Variants in PRKCB observed in about 807,000 individuals in gnomAD.
The protein encoded by PRKCB is protein kinase C beta type.
PRKCB carries 13 observed loss-of-function variants against 81.5 expected under a neutral mutation model. The ratio of observed to expected loss-of-function variants is 0.16; its 90% CI spans 0.10 to 0.25. The LOEUF is 0.25. PRKCB is among the 10% of genes least tolerant of loss of function. The probability of loss-of-function intolerance (pLI) is 1.00; values close to 1 mark genes in which losing one functional copy is unlikely to be tolerated. For missense variants in PRKCB, 509 were observed against 875.7 expected (o/e 0.58, Z 5.29); for synonymous variants, 335 against 321.4 (o/e 1.04, Z -0.45).
chr16:24,137,002 C>T (rs987765355), intron 9 of PRKCB, among the ~76,000 whole-genome samples: 20 of 151,950 alleles, frequency 1.3e-4, no homozygotes, highest in Admixed American at 3.3e-4. Flanking sequence ...CTCAGCTTCC[C>T]GAGTAGCTGG....
rs1018580653 is a variant in PRKCB at position 24,219,574 on chromosome 16, C to T, written c.*4758C>T. ...AATGGTTTTCTCCAGGACGCTCTACCTAATGATTATTTCTATAACATTAAG... is the reference window on the plus strand; with the variant it reads ...AATGGTTTTCTCCAGGACGCTCTACTTAATGATTATTTCTATAACATTAAG... On this transcript the variant is annotated 3_prime_UTR_variant, in exon 17 of 17. Transcript: ENST00000643927. The T allele has an allele frequency of 1.0e-6, 1 of 999,414 alleles. No homozygotes were observed. Among genetic ancestry groups the T allele is most frequent in the Non-Finnish European group, 1.2e-6 (1 of 838,924 alleles). The allele number at this position is 999,414 out of a possible 1,614,324, so 61.9% of individuals were successfully genotyped here. A position where few individuals can be genotyped will look rare whatever the true frequency, so the allele number is the denominator to read the frequency against.
chr16:24,135,965 A>C (rs1159870091), intron 9 of PRKCB, among the ~76,000 whole-genome samples: 1 of 152,046 alleles, frequency 6.6e-6, no homozygotes, highest in Non-Finnish European at 1.5e-5. Flanking sequence ...CTTCCAGAGA[A>C]CCTTTTTGAC....
chr16:24,094,423 A>G (rs1966414017), intron 7 of PRKCB, 126 bp downstream of exon 7: 3 of 1,276,570 alleles, frequency 2.4e-6, no homozygotes, highest in Non-Finnish European at 3.3e-6. Flanking sequence ...AGTCTGGTTG[A>G]TTGGATCTGC....
intron 2 of PRKCB, among the ~76,000 whole-genome samples, chr16:23,915,628 G>A (rs1041878597): frequency 7.1e-6 from 1 of 140,466 alleles, no homozygotes; most frequent in Non-Finnish European, 1.5e-5. Flanking sequence ...GGAGGTGGAG[G>A]CTGCAGTGAG....
At position 23,943,676 on chromosome 16, in the gene PRKCB, A is replaced by G. The variant is rs560376346; in HGVS notation, c.206-44832A>G. Among the ~76,000 whole-genome samples, 95 of 152,356 alleles carry G rather than the reference A, an allele frequency of 6.2e-4. 2 individuals are homozygous for G. The South Asian group carries it at 0.019, about 30-fold the overall frequency. On this transcript the variant is annotated intron_variant, in intron 2 of 16. Coordinates refer to ENST00000643927, the MANE Select transcript of PRKCB (RefSeq NM_002738.7). ...TAAAGGCAATGCATTTTACGTAGGA[A>G]AAATGGTTGAGTCGAATGATTTAAT...
chr16:23,972,741 G>T (rs948055501), intron 2 of PRKCB, among the ~76,000 whole-genome samples: 2 of 152,184 alleles, frequency 1.3e-5, no homozygotes, highest in African/African-American at 4.8e-5. Context: ...AAAAGTGAGG[G>T]AGAGTGTGGT....
chr16:23,844,232 C>A (rs1045021589), intron 2 of PRKCB, among the ~76,000 whole-genome samples: 1 of 152,182 alleles, frequency 6.6e-6, no homozygotes, highest in African/African-American at 2.4e-5. Flanking sequence ...TCTTTGACTT[C>A]ATTCATCCAA....
chr16:24,101,171 G>T (rs769177880), intron 7 of PRKCB, among the ~76,000 whole-genome samples: 29 of 152,188 alleles, frequency 1.9e-4, no homozygotes, highest in Non-Finnish European at 4.0e-4. Context: ...TGGCTAATAT[G>T]TTAGTTTTAC....
intron 2 of PRKCB, among the ~76,000 whole-genome samples, chr16:23,885,394 C>T (rs749812781): frequency 2.6e-5 from 4 of 152,038 alleles, no homozygotes; most frequent in Admixed American, 6.6e-5. Flanking sequence ...CTGCAGTCTC[C>T]GCCTCCCTAG....
intron 5 of PRKCB, among the ~76,000 whole-genome samples, chr16:24,067,835 C>T (rs1429556079): frequency 6.6e-6 from 1 of 151,624 alleles, no homozygotes; most frequent in Non-Finnish European, 1.5e-5. Flanking sequence ...GGCATGGTGG[C>T]ACATGCCTGT....
chr16:23,888,947 G>C (rs904496196), intron 2 of PRKCB, among the ~76,000 whole-genome samples: 1 of 152,162 alleles, frequency 6.6e-6, no homozygotes, highest in Non-Finnish European at 1.5e-5. Context: ...GGCTAAGATG[G>C]GGGGAGTATG....
intron 2 of PRKCB, among the ~76,000 whole-genome samples, chr16:23,925,598 C>T (rs993956505): frequency 3.9e-5 from 6 of 152,046 alleles, no homozygotes; most frequent in Admixed American, 2.6e-4. Context: ...TGTCTCTCTT[C>T]CAAACATGAG....
intron 2 of PRKCB, among the ~76,000 whole-genome samples, chr16:23,939,241 T>G (rs952550253): frequency 1.2e-4 from 18 of 152,150 alleles, no homozygotes; most frequent in African/African-American, 4.3e-4. Flanking sequence ...AAAGAATATC[T>G]ACATAAATGA....
chr16:24,047,322 A>T (rs1296518631), intron 5 of PRKCB, among the ~76,000 whole-genome samples: 3 of 152,230 alleles, frequency 2.0e-5, no homozygotes, highest in East Asian at 1.9e-4. Flanking sequence ...AGCCTGGGTG[A>T]CAGAGTGAGA....
At chr16:23,842,928 C>G (rs1192567233) in intron 2 of PRKCB, among the ~76,000 whole-genome samples, 1 of 151,864 alleles carries the variant, frequency 6.6e-6, no homozygotes, top group African/African-American at 2.4e-5. Context: ...ATGAGTAAGT[C>G]AGCTCTTCTT....
chr16:24,198,875 G>A lies in PRKCB; in HGVS notation c.1863+7645G>A, dbSNP rs116924329. On this transcript the variant is annotated intron_variant, in intron 16 of 16. Coordinates refer to ENST00000643927, the MANE Select transcript of PRKCB (RefSeq NM_002738.7). Reference sequence around the variant, plus strand: ...TTAAGATCCCCTTTCCTCCACTCCTGACATTGGAGCAACCATCCAGTCCTG... The same window carrying A: ...TTAAGATCCCCTTTCCTCCACTCCTAACATTGGAGCAACCATCCAGTCCTG... Among the ~76,000 whole-genome samples, 1,433 of 152,236 alleles carry A rather than the reference G, an allele frequency of 9.4e-3. 10 individuals carry two copies. Among genetic ancestry groups the A allele is most frequent in the Middle Eastern group, 0.027 (8 of 294 alleles).
chr16:23,914,678 G>A (rs1010562513), intron 2 of PRKCB, among the ~76,000 whole-genome samples: 1 of 152,152 alleles, frequency 6.6e-6, no homozygotes, highest in Non-Finnish European at 1.5e-5. Context: ...GACCTGCACA[G>A]CCCTTAGAAC....
At chr16:23,892,057 T>C (rs979237404) in intron 2 of PRKCB, among the ~76,000 whole-genome samples, 2 of 152,176 alleles carry the variant, frequency 1.3e-5, no homozygotes, top group African/African-American at 4.8e-5. Flanking sequence ...GACGGCTGGA[T>C]CCCACATCTC....
At chr16:24,142,379 G>A (rs1966913732) in intron 9 of PRKCB, among the ~76,000 whole-genome samples, 1 of 152,208 alleles carries the variant, frequency 6.6e-6, no homozygotes, top group Non-Finnish European at 1.5e-5. Flanking sequence ...TAGCTTCGGT[G>A]CACCAAGCTG....
Sources: allele counts gnomAD v4.1 joint callset (sites outside exome capture counted in the v4.1 genomes callset), GRCh38; gene constraint gnomAD v4.1.1; transcripts MANE v1.5; gene names NCBI Gene and HGNC (gene_info 2026-07-23, HGNC 2026-07-21).